Variants in TRIO observed in about 807,000 individuals in gnomAD.
TRIO encodes the protein trio Rho guanine nucleotide exchange factor, also known as triple functional domain protein.
In TRIO, 58 loss-of-function variants were observed where a neutral mutation model predicts 351.9. The observed-to-expected ratio is 0.16, with a 90% confidence interval of 0.13 to 0.21. The LOEUF (loss-of-function observed/expected upper bound fraction) is 0.21, where lower values mean the gene tolerates loss of function less well. TRIO is among the 10% of genes least tolerant of loss of function. The pLI is 1.00. For synonymous variants in TRIO, 1,758 were observed against 1,595.7 expected, an observed-to-expected ratio of 1.10 and a Z score of -2.42; for missense variants, 3,201 against 4,027.8, an observed-to-expected ratio of 0.79 and a Z score of 5.56.
rs1755493286 is a variant in TRIO, at chr5:14,481,303, G to A, written c.6387+19G>A. The stretch of plus-strand genomic sequence containing the variant: ...ATTAGAGGTACATGCATCAGCGGCT[G>A]TGGGCACCCAAATCCCCACCAGCCT... On this transcript the variant is annotated intron_variant, in intron 44 of 56. Coordinates refer to ENST00000344204, the MANE Select transcript of TRIO (RefSeq NM_007118.4). The A allele has an allele frequency of 6.2e-7, 1 of 1,612,858 alleles. No homozygotes were observed. Among genetic ancestry groups the A allele is most frequent in the Admixed American group, 1.7e-5 (1 of 59,702 alleles).
intron 13 of TRIO, among the ~76,000 whole-genome samples, chr5:14,363,197 G>A (rs547923629): frequency 2.7e-4 from 41 of 151,982 alleles, no homozygotes; most frequent in Non-Finnish European, 5.0e-4. Context: ...ATGGGGTTTT[G>A]CCATGTTGAC....
intron 40 of TRIO, among the ~76,000 whole-genome samples, chr5:14,474,436 A>T (rs1579762357): frequency 6.6e-6 from 1 of 152,138 alleles, no homozygotes; most frequent in Non-Finnish European, 1.5e-5. Context: ...CTTCATCTGC[A>T]CACCCACATT....
chr5:14,452,805 T>A (rs975906135), intron 34 of TRIO, among the ~76,000 whole-genome samples: 21 of 152,222 alleles, frequency 1.4e-4, no homozygotes, highest in Admixed American at 6.5e-4. Context: ...TTTTTACCAT[T>A]GTGAAAATAA....
intron 49 of TRIO, among the ~76,000 whole-genome samples, chr5:14,493,354 G>A (rs571344360): frequency 1.3e-5 from 2 of 152,090 alleles, no homozygotes; most frequent in East Asian, 1.9e-4. Context: ...CAAGTCTCTC[G>A]GTGCCATTTG....
At position 14,504,429 on chromosome 5, in the gene TRIO, A is replaced by T. The variant is rs981802669; in HGVS notation, c.8448A>T (p.Lys2816Asn). 4 of 1,614,198 alleles carry T rather than the reference A, an allele frequency of 2.5e-6. No individual in the cohort carries two copies. Among genetic ancestry groups the T allele is most frequent in the Non-Finnish European group, 3.4e-6 (4 of 1,180,026 alleles). ...CTGTCGTTAAGAAATGTGATCAGAA[A>T]GGAACCAAGCGAGCAGTGGCCACTA... ...RFSVVKKCDQ[K>N]GTKRAVATKF... is the part of the protein sequence containing the mutation. Residue 2816 changes from lysine (K) to asparagine (N), a missense_variant, in exon 55 of 57, where the codon AAA becomes AAT. This residue lies in a region of TRIO where 1,089 missense variants were observed against 954.9 expected (regional missense o/e 1.14). Transcript: ENST00000344204.
At chr5:14,461,616 G>C (rs1301272730) in intron 35 of TRIO, among the ~76,000 whole-genome samples, 2 of 152,230 alleles carry the variant, frequency 1.3e-5, no homozygotes, top group Non-Finnish European at 2.9e-5. Context: ...AGGGAGACCA[G>C]ACTTGGCTTC....
chr5:14,193,835 G>T (rs1790589531), intron 1 of TRIO, among the ~76,000 whole-genome samples: 1 of 152,136 alleles, frequency 6.6e-6, no homozygotes, highest in Admixed American at 6.5e-5. Context: ...TATTACACAT[G>T]ATGGCAATGA....
At chr5:14,372,058 T>C (rs965683384) in intron 18 of TRIO, among the ~76,000 whole-genome samples, 12 of 152,162 alleles carry the variant, frequency 7.9e-5, no homozygotes, top group Non-Finnish European at 1.5e-4. Context: ...CTCCTTTCAT[T>C]ACTATTTATT....
At position 14,461,026 on chromosome 5, in the gene TRIO, C is replaced by A; in HGVS notation, c.5211C>A (p.Leu1737=). The A allele has an allele frequency of 1.3e-6, 2 of 1,569,538 alleles. No individual in the cohort carries two copies. Among genetic ancestry groups the A allele is most frequent in the South Asian group, 1.2e-5 (1 of 85,222 alleles). The change falls in exon 35 of 57, where the codon CTC becomes CTA. Residue 1737 remains leucine (L), a synonymous_variant. Coordinates refer to ENST00000344204, the MANE Select transcript of TRIO (RefSeq NM_007118.4). ...TCTCTTTCTCCCTGGCAGACTCGCT[C>A]TCCGTCTCCAGCAATGACGCCAGTC... is the stretch of plus-strand genomic sequence containing the variant. ...MEGIFNHKDS[L]SVSSNDASPP... is the part of the protein sequence containing the mutation.
In TRIO at chr5:14,419,884, C is replaced by T. The variant is rs759701866; in HGVS notation, c.5066C>T (p.Pro1689Leu). The T allele has an allele frequency of 9.9e-6, 16 of 1,614,142 alleles. No individual in the cohort carries two copies. The highest frequency in any genetic ancestry group is 2.2e-5 in the East Asian group (1 of 44,880). Residue 1689 changes from proline (P) to leucine (L), a missense_variant, in exon 34 of 57, where the codon CCG becomes CTG. This residue lies in a region of TRIO where 136 missense variants were observed against 229.5 expected (regional missense o/e 0.59). Coordinates refer to ENST00000344204, the MANE Select transcript of TRIO (RefSeq NM_007118.4). ...RGQTVEVLER[P>L]HDKPDWCLVR... ...CAGACCGTGGAAGTTCTGGAGCGGC[C>T]GCATGACAAGCCTGACTGGTGTCTG...
chr5:14,465,238 G>A (rs114790016), intron 36 of TRIO, among the ~76,000 whole-genome samples: 1,626 of 152,054 alleles, frequency 0.011, 9 homozygotes, highest in South Asian at 0.028. Context: ...CGAAAGTTAC[G>A]GTTAGAACGT....
intron 9 of TRIO, among the ~76,000 whole-genome samples, chr5:14,322,906 G>A (rs77982380): frequency 0.055 from 8,319 of 152,242 alleles, 289 homozygotes; most frequent in Middle Eastern, 0.12. Flanking sequence ...ACTACTGGGC[G>A]CAGGTAGAGG....
intron 33 of TRIO, among the ~76,000 whole-genome samples, chr5:14,414,198 A>G (rs1303915937): frequency 6.6e-6 from 1 of 152,154 alleles, no homozygotes; most frequent in Non-Finnish European, 1.5e-5. Flanking sequence ...ATAGCCAGAA[A>G]GCGTTTACCT....
intron 1 of TRIO, among the ~76,000 whole-genome samples, chr5:14,230,404 A>T (rs982576629): frequency 2.0e-5 from 3 of 150,766 alleles, no homozygotes; most frequent in Admixed American, 2.0e-4. Context: ...TGTCACACAC[A>T]ATGTCTGTCC....
Position 14,498,507 on chromosome 5 carries a change from T to A in TRIO, c.8211-12T>A. On this transcript the variant is annotated splice_polypyrimidine_tract_variant and intron_variant, in intron 52 of 56. Coordinates refer to ENST00000344204, the MANE Select transcript of TRIO (RefSeq NM_007118.4). ...TTTTCTGATGCGCAGTGTGTTCCCATCTGTGCCGCAGTGACCTGGGAGAGG... is the reference window on the plus strand; with the variant it reads ...TTTTCTGATGCGCAGTGTGTTCCCAACTGTGCCGCAGTGACCTGGGAGAGG... 6.2e-7 allele frequency: 1 copy of A among 1,612,766 alleles called. No individual in the cohort carries two copies. The highest frequency in any genetic ancestry group is 8.5e-7 in the Non-Finnish European group (1 of 1,178,904).
chr5:14,373,504 A>G (rs936492113), intron 18 of TRIO, among the ~76,000 whole-genome samples: 3 of 152,214 alleles, frequency 2.0e-5, no homozygotes, highest in African/African-American at 7.2e-5. Context: ...CAATTCACAT[A>G]TAATTAAAGG....
In TRIO at chr5:14,184,397, A is replaced by G. The variant is rs771317391; in HGVS notation, c.157+40515A>G. Among the ~76,000 whole-genome samples, 11 of 152,360 alleles carry G rather than the reference A, an allele frequency of 7.2e-5. No homozygotes were observed. The South Asian group carries it at 1.9e-3, about 26-fold the overall frequency. On this transcript the variant is annotated intron_variant, in intron 1 of 56. Transcript: ENST00000344204. ...ATGGGATCACAGCTTCCCTTCTGCA[A>G]CGTGCCCTGCACTCTACTAAAGGCA...
intron 1 of TRIO, among the ~76,000 whole-genome samples, chr5:14,258,272 C>G (rs1004818549): frequency 3.9e-5 from 6 of 152,202 alleles, no homozygotes; most frequent in Admixed American, 3.3e-4. Context: ...GCTTGTAACC[C>G]TGTGTCATTT....
chr5:14,482,532 G>A (rs369772179), intron 45 of TRIO, 50 bp from the exon 46 acceptor site: 10 of 1,328,888 alleles, frequency 7.5e-6, no homozygotes, highest in Non-Finnish European at 8.9e-6. Context: ...TAACTTAGAA[G>A]GCAATGTTTT....
Sources: allele counts gnomAD v4.1 joint callset (sites outside exome capture counted in the v4.1 genomes callset), GRCh38; gene constraint gnomAD v4.1.1; regional missense constraint gnomAD v4.1.1; transcripts MANE v1.5; gene names NCBI Gene and HGNC (gene_info 2026-07-23, HGNC 2026-07-21).